MINDY2: variants seen among roughly 807,000 people sequenced by gnomAD.
MINDY2 encodes the protein MINDY lysine 48 deubiquitinase 2.
MINDY2 carries 52 observed loss-of-function variants against 68.2 expected under a neutral mutation model. The ratio of observed to expected loss-of-function variants is 0.76; its 90% confidence interval spans 0.61 to 0.96. The LOEUF is 0.96. Among genes scored for constraint, MINDY2 ranks in the 40% least tolerant of loss-of-function variants. The probability of loss-of-function intolerance (pLI) is 0.00; values close to 1 mark genes in which losing one functional copy is unlikely to be tolerated. For synonymous variants in MINDY2, 372 were observed against 303.0 expected (o/e 1.23, Z -2.36); for missense variants, 881 against 773.4 (o/e 1.14, Z -1.65).
chr15:58,817,841 A>G (rs1285841337), intron 4 of MINDY2: 5 of 152,238 alleles, frequency 3.3e-5, no homozygotes, highest in African/African-American at 1.2e-4. Context: ...TTTTGAAACC[A>G]GTTTGGTTTA....
At chr15:58,831,596 A>G (rs747589374) in intron 5 of MINDY2, among the ~76,000 whole-genome samples, 178 bp from the exon 6 acceptor site, 1 of 152,238 alleles carries the variant, frequency 6.6e-6, no homozygotes, top group African/African-American at 2.4e-5. Flanking sequence ...CTGTATACAC[A>G]TATTTCATTG....
chr15:58,779,929 G>A (rs1343663224), intron 1 of MINDY2, among the ~76,000 whole-genome samples: 3 of 152,162 alleles, frequency 2.0e-5, no homozygotes, highest in South Asian at 4.1e-4. Flanking sequence ...CCAGGTGAAG[G>A]ACATTTGGGC....
chr15:58,846,615 A>AAAAAAAAC (rs2032550643), intron 6 of MINDY2, among the ~76,000 whole-genome samples: 1 of 140,086 alleles, frequency 7.1e-6, no homozygotes, highest in African/African-American at 2.6e-5. Flanking sequence ...AAAAAAAAAA[A>AAAAAAAAC]TCTCATGTAA....
In MINDY2 at chr15:58,855,080, G is replaced by C. The variant is rs1343727906; in HGVS notation, c.*470G>C. The C allele has an allele frequency of 6.5e-6, 1 of 152,966 alleles. No homozygotes were observed. Among genetic ancestry groups the C allele is most frequent in the African/African-American group, 2.4e-5 (1 of 41,340 alleles). The allele number at this position is 152,966 out of a possible 1,614,324, so 9.5% of individuals were successfully genotyped here. On this transcript the variant is annotated 3_prime_UTR_variant, in exon 9 of 9. Coordinates refer to ENST00000559228, the MANE Select transcript of MINDY2 (RefSeq NM_001040450.3). ...TGAGAAACCACGGGTTTAACATAGG[G>C]ATTCAAAAAAACAAAAACAAAAGAA...
In MINDY2 at chr15:58,854,801, G is replaced by T; in HGVS notation, c.*191G>T. 2.2e-6 allele frequency: 1 copy of T among 445,060 alleles called. No individual in the cohort carries two copies. The highest frequency in any genetic ancestry group is 3.8e-6 in the Non-Finnish European group (1 of 261,618). The allele number at this position is 445,060 out of a possible 1,614,324, so 27.6% of individuals were successfully genotyped here. On this transcript the variant is annotated 3_prime_UTR_variant, in exon 9 of 9. Transcript: ENST00000559228. ...TCACACAATACACTCTTTATGAGCT[G>T]GAGTTTCATGTTACAAGTTGGAAAT... is the stretch of plus-strand genomic sequence containing the variant.
rs1487731396 is a variant in MINDY2, at chr15:58,831,771, T to C, written c.1226-3T>C. On this transcript the variant is annotated splice_region_variant and splice_polypyrimidine_tract_variant and intron_variant, in intron 5 of 8. Coordinates refer to ENST00000559228, the MANE Select transcript of MINDY2 (RefSeq NM_001040450.3). The stretch of plus-strand genomic sequence containing the variant: ...TATCTAATGTTATGCATTGGTTCTA[T>C]AGGCTTTGTAGCTGAGCAGTTTCTA... 1 of 1,609,568 alleles carries C rather than the reference T, an allele frequency of 6.2e-7. No homozygotes were observed. Among genetic ancestry groups the C allele is most frequent in the Non-Finnish European group, 8.5e-7 (1 of 1,178,640 alleles).
chr15:58,835,641 G>A (rs1595766249), intron 6 of MINDY2, among the ~76,000 whole-genome samples: 2 of 152,004 alleles, frequency 1.3e-5, no homozygotes, highest in Admixed American at 6.6e-5. Flanking sequence ...CGACAAGAGC[G>A]AAACTCTGTC....
At chr15:58,793,776 T>G (rs976874209) in intron 2 of MINDY2, among the ~76,000 whole-genome samples, 4 of 152,132 alleles carry the variant, frequency 2.6e-5, no homozygotes, top group Admixed American at 6.6e-5. Flanking sequence ...TTCTATTTTC[T>G]CAATGAAATA....
chr15:58,832,237 T>A (rs2031763808), intron 6 of MINDY2, among the ~76,000 whole-genome samples: 1 of 151,912 alleles, frequency 6.6e-6, no homozygotes, highest in Non-Finnish European at 1.5e-5. Context: ...TCTTTTTTTT[T>A]TTTTTTGAAA....
intron 7 of MINDY2, among the ~76,000 whole-genome samples, chr15:58,851,412 A>G (rs2032804691): frequency 6.6e-6 from 1 of 152,030 alleles, no homozygotes; most frequent in African/African-American, 2.4e-5. Context: ...TTGTTATTTT[A>G]TATTGTTTTC....
chr15:58,833,792 A>G (rs960534368), intron 6 of MINDY2, among the ~76,000 whole-genome samples: 7 of 151,866 alleles, frequency 4.6e-5, no homozygotes, highest in African/African-American at 1.7e-4. Flanking sequence ...GCTCAGGGAC[A>G]AGCAGGAGAC....
At chr15:58,819,944 A>T (rs1239709987) in intron 4 of MINDY2, among the ~76,000 whole-genome samples, 1 of 152,118 alleles carries the variant, frequency 6.6e-6, no homozygotes, top group African/African-American at 2.4e-5. Context: ...CATTGAATAC[A>T]TTTTTGTGTT....
In MINDY2 at chr15:58,857,782, T is replaced by G. The variant is rs2033108369; in HGVS notation, c.*3172T>G. The stretch of plus-strand genomic sequence containing the variant: ...TTTATAGCCTAGATTAGGGACATAT[T>G]TGCATCAACCAAATCATCATTAGAT... On this transcript the variant is annotated 3_prime_UTR_variant, in exon 9 of 9. Transcript: ENST00000559228. 6.6e-6 allele frequency: 1 copy of G among 152,196 alleles called. No individual in the cohort carries two copies. The highest frequency in any genetic ancestry group is 1.9e-4 in the East Asian group (1 of 5,204). 9.4% of individuals were successfully genotyped at this position (152,196 alleles called of 1,614,324 possible). A position where few individuals can be genotyped will look rare whatever the true frequency, so the allele number is the denominator to read the frequency against.
intron 6 of MINDY2, among the ~76,000 whole-genome samples, chr15:58,837,630 G>A (rs1431111118): frequency 6.6e-6 from 1 of 151,520 alleles, no homozygotes; most frequent in Non-Finnish European, 1.5e-5. Flanking sequence ...CTGCCTTCTA[G>A]CATTTCACTT....
chr15:58,777,906 A>T (rs1205049425), intron 1 of MINDY2, among the ~76,000 whole-genome samples: 1 of 152,110 alleles, frequency 6.6e-6, no homozygotes. Flanking sequence ...GACTTAGAAT[A>T]CATTTTTGTT....
chr15:58,821,661 CTTTTG>C (rs1261448259), intron 4 of MINDY2, 51 bp from the exon 5 acceptor site: 18 of 1,075,180 alleles, frequency 1.7e-5, no homozygotes, highest in Middle Eastern at 2.2e-4. Context: ...ATATGGCTTT[CTTTTG>C]TTTTGTTCCT....
chr15:58,833,921 CG>C (rs1324464749), intron 6 of MINDY2, among the ~76,000 whole-genome samples: 1 of 152,070 alleles, frequency 6.6e-6, no homozygotes, highest in Non-Finnish European at 1.5e-5. Context: ...TCCCTTCCCA[CG>C]AGGCCATATT....
intron 6 of MINDY2, among the ~76,000 whole-genome samples, chr15:58,838,175 A>G (rs192313169): frequency 2.6e-4 from 39 of 151,934 alleles, no homozygotes; most frequent in Admixed American, 1.8e-3. Flanking sequence ...AGGCAGGTGG[A>G]TCACTTAAGG....
intron 6 of MINDY2, among the ~76,000 whole-genome samples, chr15:58,834,796 TAA>T (rs1342816191): frequency 7.9e-5 from 12 of 152,234 alleles, no homozygotes; most frequent in African/African-American, 2.9e-4. Flanking sequence ...CAAAGTAGTA[TAA>T]AATAATGACT....
Sources: allele counts gnomAD v4.1 joint callset (sites outside exome capture counted in the v4.1 genomes callset), GRCh38; gene constraint gnomAD v4.1.1; transcripts MANE v1.5; gene names NCBI Gene and HGNC (gene_info 2026-07-23, HGNC 2026-07-21).